Variants in THSD7B observed in about 807,000 individuals in gnomAD.
The protein encoded by THSD7B is thrombospondin type-1 domain-containing protein 7B.
Under a neutral mutation model 213.6 loss-of-function variants are expected in THSD7B, and 138 were observed. That is an observed-to-expected ratio of 0.65 (90% CI 0.56 to 0.74). The LOEUF is 0.74. THSD7B is among the 30% of genes least tolerant of loss of function. The pLI, the probability that THSD7B is intolerant of heterozygous loss-of-function variation, is 0.00. For missense variants in THSD7B, 1,931 were observed against 1,991.5 expected, an observed-to-expected ratio of 0.97 and a Z score of 0.58; for synonymous variants, 742 against 687.0, an observed-to-expected ratio of 1.08 and a Z score of -1.25.
intron 15 of THSD7B, among the ~76,000 whole-genome samples, chr2:137,459,398 G>C (rs1187630109): frequency 1.3e-5 from 2 of 152,160 alleles, no homozygotes; most frequent in Non-Finnish European, 1.5e-5. Context: ...CCAGTGTGGT[G>C]GCTCAAGCCT....
chr2:136,895,689 G>A (rs1288289979), intron 2 of THSD7B, among the ~76,000 whole-genome samples: 1 of 151,806 alleles, frequency 6.6e-6, no homozygotes, highest in Non-Finnish European at 1.5e-5. Flanking sequence ...CATTTATTAA[G>A]TTGTGCAGAC....
At chr2:136,882,107 A>T in intron 1 of THSD7B, 37 bp from the exon 2 acceptor site, 1 of 1,380,788 alleles carries the variant, frequency 7.2e-7, no homozygotes. Context: ...TTTTCTTTAC[A>T]GAAGAAACTT....
Position 137,073,771 on chromosome 2 carries a change from T to A in THSD7B, c.950+16541T>A, listed in dbSNP as rs746363815. Reference sequence around the variant, plus strand: ...ACTGCTTTGAATGTGTCCCAGAGATTCTGGTATGTTGTGTCTTTGTTCTCA... The same window carrying A: ...ACTGCTTTGAATGTGTCCCAGAGATACTGGTATGTTGTGTCTTTGTTCTCA... On this transcript the variant is annotated intron_variant, in intron 3 of 27. Coordinates refer to ENST00000409968, the MANE Select transcript of THSD7B (RefSeq NM_001316349.2). Among the ~76,000 whole-genome samples, 63 of 150,058 alleles carry A rather than the reference T, an allele frequency of 4.2e-4. 3 individuals carry two copies. The Middle Eastern group carries it at 0.049, about 117-fold the overall frequency.
chr2:137,177,963 C>T (rs1042156353), intron 7 of THSD7B, among the ~76,000 whole-genome samples: 2 of 149,684 alleles, frequency 1.3e-5, no homozygotes, highest in Admixed American at 1.3e-4. Flanking sequence ...CCCAGCTATT[C>T]GGGAGGCTGA....
chr2:136,900,369 G>C (rs1684043059), intron 2 of THSD7B, among the ~76,000 whole-genome samples: 1 of 152,040 alleles, frequency 6.6e-6, no homozygotes, highest in South Asian at 2.1e-4. Flanking sequence ...CTTTACCCTT[G>C]AGATGGCTTT....
In THSD7B at chr2:137,004,690, G is replaced by T. The variant is rs186463654; in HGVS notation, c.140-51730G>T. On this transcript the variant is annotated intron_variant, in intron 2 of 27. Transcript: ENST00000409968. ...ATGATGTTGATACCATCTCAAATTC[G>T]GGTAAAATAATCAGATAGCTATTGG... Among the ~76,000 whole-genome samples, 123 of 152,108 alleles carry T rather than the reference G, an allele frequency of 8.1e-4. 2 individuals are homozygous for T. The highest frequency in any genetic ancestry group is 2.9e-3 in the African/African-American group (122 of 41,496).
intron 17 of THSD7B, among the ~76,000 whole-genome samples, chr2:137,597,328 C>T (rs1681980956): frequency 6.6e-6 from 1 of 151,900 alleles, no homozygotes; most frequent in Non-Finnish European, 1.5e-5. Flanking sequence ...TCTCTCAGGC[C>T]AGATGTCCTG....
At chr2:137,269,250 C>T (rs1682678086) in intron 10 of THSD7B, among the ~76,000 whole-genome samples, 1 of 152,166 alleles carries the variant, frequency 6.6e-6, no homozygotes, top group Non-Finnish European at 1.5e-5. Flanking sequence ...GAGGATCCAT[C>T]CTTTTGAAAC....
chr2:137,456,116 A>C (rs1313429847), intron 15 of THSD7B, among the ~76,000 whole-genome samples: 2 of 152,214 alleles, frequency 1.3e-5, no homozygotes, highest in Admixed American at 1.3e-4. Context: ...AGAGTATATA[A>C]ATTAAATATA....
chr2:137,282,997 G>C (rs1005235190), intron 12 of THSD7B, among the ~76,000 whole-genome samples: 2 of 152,136 alleles, frequency 1.3e-5, no homozygotes, highest in African/African-American at 2.4e-5. Flanking sequence ...ACCTTGGGCA[G>C]TATGGCCATT....
chr2:137,451,617 A>G lies in THSD7B; in HGVS notation c.3138+594A>G, dbSNP rs72979675. 2.6e-3 allele frequency among the ~76,000 whole-genome samples: 399 copies of G among 152,166 alleles called. 5 individuals are homozygous for G. Among genetic ancestry groups the G allele is most frequent in the African/African-American group, 9.3e-3 (388 of 41,574 alleles). ...CCATGATAGATCCCTTTCCATATAC[A>G]TGTCTAATGAAATTGCCATCCTAAG... On this transcript the variant is annotated intron_variant, in intron 15 of 27. Coordinates refer to ENST00000409968, the MANE Select transcript of THSD7B (RefSeq NM_001316349.2).
chr2:137,366,192 G>A (rs933100255), intron 12 of THSD7B, among the ~76,000 whole-genome samples: 1 of 152,098 alleles, frequency 6.6e-6, no homozygotes, highest in Non-Finnish European at 1.5e-5. Flanking sequence ...ATTGAACAAT[G>A]AGAATACTTG....
At chr2:137,279,439 A>C (rs1682947913) in intron 12 of THSD7B, among the ~76,000 whole-genome samples, 1 of 152,114 alleles carries the variant, frequency 6.6e-6, no homozygotes, top group South Asian at 2.1e-4. Flanking sequence ...GCTACTCAGA[A>C]GGCTGAGGTG....
At chr2:137,314,125 C>G (rs1456894786) in intron 12 of THSD7B, among the ~76,000 whole-genome samples, 2 of 152,120 alleles carry the variant, frequency 1.3e-5, no homozygotes, top group East Asian at 3.8e-4. Context: ...TCCATTCTCC[C>G]CATCACTTTC....
intron 2 of THSD7B, among the ~76,000 whole-genome samples, chr2:136,994,092 T>C (rs891632548): frequency 5.3e-5 from 8 of 152,192 alleles, no homozygotes; most frequent in African/African-American, 1.9e-4. Context: ...ACATCACAGA[T>C]GACTTGCCTC....
At chr2:137,256,913 C>T (rs541023808) in intron 10 of THSD7B, among the ~76,000 whole-genome samples, 2 of 152,244 alleles carry the variant, frequency 1.3e-5, no homozygotes, top group East Asian at 3.9e-4. Context: ...TCTTACAGTT[C>T]TGGAGACTGG....
intron 2 of THSD7B, among the ~76,000 whole-genome samples, chr2:136,925,506 A>T (rs976421081): frequency 6.6e-6 from 1 of 152,208 alleles, no homozygotes; most frequent in Non-Finnish European, 1.5e-5. Flanking sequence ...CCATCCTTGA[A>T]TTCTTGGTAT....
chr2:136,925,337 G>A (rs1594290), intron 2 of THSD7B, among the ~76,000 whole-genome samples: 14 of 151,974 alleles, frequency 9.2e-5, no homozygotes, highest in African/African-American at 2.9e-4. Flanking sequence ...TTATGTTGAG[G>A]CATTTACACT....
intron 20 of THSD7B, among the ~76,000 whole-genome samples, chr2:137,623,556 A>G (rs1176280546): frequency 3.3e-5 from 5 of 152,222 alleles, no homozygotes; most frequent in Non-Finnish European, 5.9e-5. Flanking sequence ...TTTGCAGATG[A>G]CATGATTGTA....
Sources: allele counts gnomAD v4.1 joint callset (sites outside exome capture counted in the v4.1 genomes callset), GRCh38; gene constraint gnomAD v4.1.1; transcripts MANE v1.5; gene names NCBI Gene and HGNC (gene_info 2026-07-23, HGNC 2026-07-21).